MARCO: variants seen among roughly 807,000 people sequenced by gnomAD.
MARCO encodes macrophage receptor with collagenous structure, also known as macrophage receptor MARCO.
MARCO carries 72 observed loss-of-function variants against 70.0 expected under a neutral mutation model. The observed-to-expected ratio is 1.03, with a 90% CI of 0.85 to 1.25. MARCO has a LOEUF of 1.25. MARCO is among the 50% of genes most tolerant of loss of function. MARCO has a pLI of 0.00. For synonymous variants in MARCO, 273 were observed against 243.1 expected (o/e 1.12, Z -1.14); for missense variants, 696 against 659.3 (o/e 1.06, Z -0.61).
chr2:118,960,666 G>A (rs1265466750), intron 1 of MARCO, among the ~76,000 whole-genome samples: 1 of 150,344 alleles, frequency 6.7e-6, no homozygotes, highest in African/African-American at 2.4e-5. Flanking sequence ...CTTTGTTGTG[G>A]CATATAATTT....
chr2:118,942,873 T>C (rs1679531702), intron 1 of MARCO, among the ~76,000 whole-genome samples: 1 of 152,226 alleles, frequency 6.6e-6, no homozygotes, highest in African/African-American at 2.4e-5. Context: ...TATTCTGTAT[T>C]TCATGTTGAC....
intron 12 of MARCO, among the ~76,000 whole-genome samples, chr2:118,983,378 A>C (rs746489689): frequency 6.6e-6 from 1 of 152,182 alleles, no homozygotes; most frequent in Non-Finnish European, 1.5e-5. Context: ...TGATTCATTC[A>C]TCACCACCTC....
chr2:118,991,612 G>C (rs1048438132), intron 13 of MARCO, among the ~76,000 whole-genome samples, 165 bp from the exon 14 acceptor site: 4 of 152,218 alleles, frequency 2.6e-5, no homozygotes, highest in African/African-American at 9.6e-5. Flanking sequence ...TGAGAGATCA[G>C]TGCAGCCCCC....
intron 1 of MARCO, among the ~76,000 whole-genome samples, chr2:118,947,101 G>A (rs138412510): frequency 2.6e-5 from 4 of 152,080 alleles, no homozygotes; most frequent in Non-Finnish European, 5.9e-5. Context: ...TATTTTCTCC[G>A]AGTCTGTAAC....
intron 8 of MARCO, among the ~76,000 whole-genome samples, chr2:118,980,808 G>C (rs1001379036): frequency 6.6e-6 from 1 of 152,158 alleles, no homozygotes; most frequent in African/African-American, 2.4e-5. Flanking sequence ...ACCCCAGTGA[G>C]GAGCCTCTGT....
At chr2:118,955,435 T>A (rs187888528) in intron 1 of MARCO, among the ~76,000 whole-genome samples, 419 of 151,980 alleles carry the variant, frequency 2.8e-3, no homozygotes, top group African/African-American at 9.9e-3. Context: ...TGAACAAACC[T>A]CCAAGAAGTC....
intron 8 of MARCO, 108 bp downstream of exon 8, chr2:118,978,043 GCT>G (rs967944850): frequency 2.5e-5 from 17 of 671,522 alleles, no homozygotes; most frequent in Admixed American, 5.4e-5. Context: ...GCAAGGCAGT[GCT>G]CTGTCTATGG....
chr2:118,964,867 G>A (rs1254806600), intron 1 of MARCO, among the ~76,000 whole-genome samples: 2 of 144,098 alleles, frequency 1.4e-5, no homozygotes, highest in Admixed American at 1.4e-4. Flanking sequence ...CAGCCTGGGC[G>A]ACAGAGTGAG....
chr2:118,976,112 C>A (rs1482884895), intron 6 of MARCO, among the ~76,000 whole-genome samples: 2 of 152,174 alleles, frequency 1.3e-5, no homozygotes, highest in African/African-American at 2.4e-5. Flanking sequence ...TCATTTCCTT[C>A]AAGAAGGAAT....
At chr2:118,980,580 C>T (rs1429509369) in intron 8 of MARCO, among the ~76,000 whole-genome samples, 1 of 152,206 alleles carries the variant, frequency 6.6e-6, no homozygotes, top group Non-Finnish European at 1.5e-5. Flanking sequence ...AGCAAAATTG[C>T]ATCCCAATAA....
chr2:118,970,460 T>C, intron 3 of MARCO, 122 bp downstream of exon 3: 1 of 713,944 alleles, frequency 1.4e-6, no homozygotes, highest in Non-Finnish European at 2.4e-6. Flanking sequence ...GCCAGGGACT[T>C]AGAGCAACCA....
At chr2:118,991,539 G>T (rs948747457) in intron 13 of MARCO, among the ~76,000 whole-genome samples, 4 of 152,192 alleles carry the variant, frequency 2.6e-5, no homozygotes, top group Non-Finnish European at 5.9e-5. Context: ...GAAGGACCAA[G>T]AATCTGTGGA....
intron 8 of MARCO, among the ~76,000 whole-genome samples, chr2:118,979,586 G>T (rs545607809): frequency 2.6e-5 from 4 of 152,186 alleles, no homozygotes; most frequent in African/African-American, 4.8e-5. Flanking sequence ...CACTGAGTCT[G>T]AGTTATGCAG....
intron 1 of MARCO, among the ~76,000 whole-genome samples, chr2:118,965,235 T>C (rs1477223959): frequency 6.6e-6 from 1 of 152,136 alleles, no homozygotes; most frequent in Non-Finnish European, 1.5e-5. Context: ...TCATGTGTGT[T>C]TGTTTGTTTT....
At chr2:118,986,600 A>AGAAAGAAG (rs1553416613) in intron 12 of MARCO, among the ~76,000 whole-genome samples, 7 of 14,434 alleles carry the variant, frequency 4.8e-4, no homozygotes, top group South Asian at 3.0e-3. Flanking sequence ...AAAGAAAGAA[A>AGAAAGAAG]GAAAGAAAGA....
chr2:118,992,312 G>T (rs780547778), intron 14 of MARCO, 120 bp from the exon 15 acceptor site: 2 of 749,916 alleles, frequency 2.7e-6, no homozygotes, highest in Non-Finnish European at 4.7e-6. Context: ...GGCCACAGGC[G>T]AGACCCACGG....
chr2:118,990,818 A>G (rs1187072546), intron 13 of MARCO, among the ~76,000 whole-genome samples, 185 bp downstream of exon 13: 1 of 152,134 alleles, frequency 6.6e-6, no homozygotes, highest in Non-Finnish European at 1.5e-5. Flanking sequence ...AACCACAGGA[A>G]CTCAACATCC....
chr2:118,951,345 G>A (rs1362388842), intron 1 of MARCO, among the ~76,000 whole-genome samples: 1 of 152,216 alleles, frequency 6.6e-6, no homozygotes, highest in Non-Finnish European at 1.5e-5. Flanking sequence ...AATTTTCAGT[G>A]GCTAACGTTA....
At chr2:118,968,212 A>G (rs1680092510) in intron 1 of MARCO, among the ~76,000 whole-genome samples, 3 of 152,208 alleles carry the variant, frequency 2.0e-5, no homozygotes. Flanking sequence ...AGACAGAGTA[A>G]CAGCTGACGA....
Sources: gnomAD v4.1 joint callset for allele counts (sites outside exome capture counted in the v4.1 genomes callset) on GRCh38, gnomAD v4.1.1 for gene constraint, MANE v1.5 for transcripts, NCBI Gene and HGNC (gene_info 2026-07-23, HGNC 2026-07-21) for gene names.